Variants in MTHFD1 observed in about 807,000 individuals in gnomAD.
MTHFD1 encodes C-1-tetrahydrofolate synthase, cytoplasmic.
In MTHFD1, 44 loss-of-function variants were observed where a neutral mutation model predicts 110.3. The observed-to-expected ratio is 0.40, with a 90% CI of 0.31 to 0.51. MTHFD1 has a LOEUF of 0.51. MTHFD1 is among the 20% of genes least tolerant of loss of function. MTHFD1 has a pLI of 0.60. For synonymous variants in MTHFD1, 402 were observed against 428.8 expected, an observed-to-expected ratio of 0.94 and a Z score of 0.77; for missense variants, 909 against 1,173.1, an observed-to-expected ratio of 0.77 and a Z score of 3.29.
chr14:64,397,179 ATATATATATAT>A (rs1566553200), intron 1 of MTHFD1, among the ~76,000 whole-genome samples: 12 of 17,704 alleles, frequency 6.8e-4, no homozygotes, highest in African/African-American at 1.3e-3. Flanking sequence ...ATATATATAT[ATATATATATAT>A]AAAAAACAGT....
intron 1 of MTHFD1, among the ~76,000 whole-genome samples, chr14:64,391,776 G>T (rs1259739050): frequency 6.6e-6 from 1 of 152,206 alleles, no homozygotes. Flanking sequence ...CTGAGAGTTA[G>T]AGACAAGTAT....
intron 9 of MTHFD1, among the ~76,000 whole-genome samples, chr14:64,425,210 C>CTTTT (rs60509639): frequency 1.6e-5 from 2 of 128,762 alleles, no homozygotes; most frequent in Non-Finnish European, 3.3e-5. Flanking sequence ...CCTTCCCTTT[C>CTTTT]TTTTTTTTTT....
At chr14:64,395,447 T>TGG (rs2077839846) in intron 1 of MTHFD1, among the ~76,000 whole-genome samples, 2 of 151,998 alleles carry the variant, frequency 1.3e-5, no homozygotes, top group Admixed American at 1.3e-4. Flanking sequence ...GTGGGGGAGG[T>TGG]GGGACCTCAT....
At chr14:64,407,688 T>C (rs916995542) in intron 2 of MTHFD1, among the ~76,000 whole-genome samples, 13 of 151,796 alleles carry the variant, frequency 8.6e-5, no homozygotes, top group African/African-American at 3.1e-4. Flanking sequence ...GAGCTGGGAC[T>C]ACAGGCACAC....
chr14:64,397,158 T>A (rs1566553086), intron 1 of MTHFD1, among the ~76,000 whole-genome samples: 13 of 7,256 alleles, frequency 1.8e-3, no homozygotes, highest in Non-Finnish European at 2.3e-3. Flanking sequence ...TATATATATA[T>A]ATATATATAT....
intron 2 of MTHFD1, among the ~76,000 whole-genome samples, chr14:64,407,543 TCTC>T (rs1426858894): frequency 3.0e-5 from 2 of 65,810 alleles, no homozygotes; most frequent in Non-Finnish European, 7.7e-5. Context: ...TCTCACTCTC[TCTC>T]TTTTTTTTTT....
chr14:64,435,986 G>C (rs528351880), intron 16 of MTHFD1, among the ~76,000 whole-genome samples: 1 of 152,320 alleles, frequency 6.6e-6, no homozygotes, highest in Non-Finnish European at 1.5e-5. Context: ...TTAGTGTCAT[G>C]AAGTAGAGAA....
In MTHFD1 at chr14:64,425,817, C is replaced by G. The variant is rs771978838; in HGVS notation, c.943C>G (p.Pro315Ala). The G allele has an allele frequency of 1.9e-5, 31 of 1,613,636 alleles. No individual in the cohort carries two copies. Among genetic ancestry groups the G allele is most frequent in the Non-Finnish European group, 2.5e-5 (30 of 1,179,624 alleles). ...GTATAACAACCTTAACCTCAAGACA[C>G]CTGTTCCAAGGTAAAAATAAAGTTT... ...IQYNNLNLKT[P>A]VPSDIDISRS... The change falls in exon 10 of 28, where the codon CCT (proline) becomes GCT (alanine). Residue 315 changes from proline to alanine, a missense_variant. Pro to Ala is a conservative substitution (Grantham distance 27). This residue lies in a region of MTHFD1 where 424 missense variants were observed against 510.4 expected (regional missense o/e 0.83). Coordinates refer to ENST00000652337, the MANE Select transcript of MTHFD1 (RefSeq NM_005956.4).
chr14:64,426,507 G>C (rs1289483883), intron 11 of MTHFD1, among the ~76,000 whole-genome samples: 1 of 152,176 alleles, frequency 6.6e-6, no homozygotes, highest in Non-Finnish European at 1.5e-5. Context: ...GTCTCGCTCT[G>C]TTGCCCAGGC....
At chr14:64,399,941 A>G (rs955856556) in intron 1 of MTHFD1, among the ~76,000 whole-genome samples, 1 of 152,004 alleles carries the variant, frequency 6.6e-6, no homozygotes, top group Non-Finnish European at 1.5e-5. Flanking sequence ...ACTCCCAACT[A>G]ATTTTTTATT....
chr14:64,431,035 A>G (rs57092929), intron 13 of MTHFD1, among the ~76,000 whole-genome samples: 9,415 of 151,080 alleles, frequency 0.062, 512 homozygotes, highest in African/African-American at 0.16. Flanking sequence ...TTCTGTGGAC[A>G]GATAATTAGT....
intron 15 of MTHFD1, among the ~76,000 whole-genome samples, chr14:64,432,314 A>G (rs1441719092): frequency 1.3e-5 from 2 of 152,244 alleles, no homozygotes; most frequent in East Asian, 3.8e-4. Context: ...TCTATATTTT[A>G]TTTGAATTTC....
At chr14:64,438,761 C>A (rs867845257) in intron 16 of MTHFD1, among the ~76,000 whole-genome samples, 28 of 152,118 alleles carry the variant, frequency 1.8e-4, no homozygotes, top group African/African-American at 6.8e-4. Context: ...ACAACACAAA[C>A]CTCAGTCTTT....
rs181507413 is a variant in MTHFD1 at position 64,432,517 on chromosome 14, C to G, written c.1494+656C>G. Among the ~76,000 whole-genome samples the G allele has an allele frequency of 1.7e-3, 252 of 152,268 alleles. 2 individuals are homozygous for G. Among genetic ancestry groups the G allele is most frequent in the African/African-American group, 5.7e-3 (235 of 41,536 alleles). On this transcript the variant is annotated intron_variant, in intron 15 of 27. Coordinates refer to ENST00000652337, the MANE Select transcript of MTHFD1 (RefSeq NM_005956.4). The stretch of plus-strand genomic sequence containing the variant: ...TGAATAAATAAACAAACTGGTACAT[C>G]CATCCAATAAAAATAAATGAGCTAT...
intron 23 of MTHFD1, chr14:64,449,076 A>G (rs895284843): frequency 1.2e-4 from 40 of 347,120 alleles, no homozygotes; most frequent in South Asian, 2.3e-4. Flanking sequence ...TGGGATTACA[A>G]GTGTGAGCCA....
Position 64,457,930 on chromosome 14 carries a change from G to A in MTHFD1, c.2719-284G>A, listed in dbSNP as rs545835529. ...TTACGTTTATTTTAGACATGGCCTTGCTCTGTCGCCCAGGCAATCGGATGA... is the reference window on the plus strand; with the variant it reads ...TTACGTTTATTTTAGACATGGCCTTACTCTGTCGCCCAGGCAATCGGATGA... On this transcript the variant is annotated intron_variant, in intron 26 of 27. Transcript: ENST00000652337. 8 of 536,664 alleles carry A rather than the reference G, an allele frequency of 1.5e-5. No individual in the cohort carries two copies. In the South Asian group the frequency reaches 1.8e-4, roughly 12 times the overall value. The allele number at this position is 536,664 out of a possible 1,614,324, so 33.2% of individuals were successfully genotyped here.
intron 24 of MTHFD1, among the ~76,000 whole-genome samples, chr14:64,449,981 G>A (rs969365508): frequency 7.2e-5 from 11 of 152,138 alleles, no homozygotes; most frequent in Non-Finnish European, 1.6e-4. Flanking sequence ...TAGTAGAGAT[G>A]GGGTTTCACC....
At chr14:64,440,613 G>C in intron 18 of MTHFD1, 1 of 360,340 alleles carries the variant, frequency 2.8e-6, no homozygotes, top group South Asian at 2.2e-5. Context: ...GCTACACTTT[G>C]ATGGCTTAAT....
rs1173423035 is a variant in MTHFD1, at chr14:64,426,105, T to C, written c.1040T>C (p.Leu347Ser). 1.2e-6 allele frequency: 2 copies of C among 1,614,094 alleles called. No individual in the cohort carries two copies. Among genetic ancestry groups the C allele is most frequent in the Admixed American group, 3.3e-5 (2 of 60,012 alleles). Reference sequence around the variant, plus strand: ...GGTCTGCTGTCTGAAGAGGTAGAATTATATGGTGAAACAAAGGCCAAAGTT... The same window carrying C: ...GGTCTGCTGTCTGAAGAGGTAGAATCATATGGTGAAACAAAGGCCAAAGTT... ...EIGLLSEEVE[L>S]YGETKAKVLL... The change falls in exon 11 of 28, where the codon TTA becomes TCA. Residue 347 changes from leucine to serine, a missense_variant. Leu to Ser is a moderately radical substitution (Grantham distance 145, BLOSUM62 -2). Around this residue, in one of 3 missense-constraint regions of MTHFD1, gnomAD observed 424 missense variants for 510.4 expected, o/e 0.83. Transcript: ENST00000652337.
Sources: gnomAD v4.1 joint callset for allele counts (sites outside exome capture counted in the v4.1 genomes callset) on GRCh38, gnomAD v4.1.1 for gene constraint, gnomAD v4.1.1 regional missense constraint, MANE v1.5 for transcripts, NCBI Gene and HGNC (gene_info 2026-07-23, HGNC 2026-07-21) for gene names.